TEX29: variants seen among roughly 807,000 people sequenced by gnomAD.
TEX29 encodes testis expressed 29, also known as testis-expressed protein 29.
TEX29 carries 26 observed loss-of-function variants against 18.2 expected under a neutral mutation model. The ratio of observed to expected loss-of-function variants is 1.43; its 90% CI spans 1.04 to 1.98. The LOEUF (loss-of-function observed/expected upper bound fraction) is 1.98, where lower values mean the gene tolerates loss of function less well. Among genes scored for constraint, TEX29 ranks in the 30% most tolerant of loss-of-function variants. The pLI is 0.00. For missense variants in TEX29, 177 were observed against 194.2 expected, an observed-to-expected ratio of 0.91 and a Z score of 0.53; for synonymous variants, 83 against 78.5, an observed-to-expected ratio of 1.06 and a Z score of -0.31.
intron 4 of TEX29, among the ~76,000 whole-genome samples, chr13:111,341,812 G>T (rs1485228954): frequency 6.6e-6 from 1 of 152,192 alleles, no homozygotes; most frequent in Non-Finnish European, 1.5e-5. Flanking sequence ...TAAGAGCTCT[G>T]CTCAGCCTTT....
intron 5 of TEX29, among the ~76,000 whole-genome samples, chr13:111,343,549 G>A (rs1033046452): frequency 6.6e-6 from 1 of 152,202 alleles, no homozygotes; most frequent in Non-Finnish European, 1.5e-5. Context: ...CTCATATGTT[G>A]GTTTACCTGC....
At chr13:111,328,131 A>G (rs2479955) in intron 2 of TEX29, 52 bp from the exon 3 acceptor site, 949,928 of 1,184,242 alleles carry the variant, frequency 0.8, 382,640 homozygotes, top group Admixed American at 0.91. Flanking sequence ...AGCGGAGAGC[A>G]GAGTGGCTTT....
intron 3 of TEX29, among the ~76,000 whole-genome samples, chr13:111,338,936 C>T (rs1040592703): frequency 2.6e-5 from 4 of 152,230 alleles, no homozygotes; most frequent in Non-Finnish European, 5.9e-5. Context: ...ACCAATGAGC[C>T]GACGGAGATC....
chr13:111,325,564 A>G (rs985443589), intron 2 of TEX29, among the ~76,000 whole-genome samples: 3 of 152,102 alleles, frequency 2.0e-5, no homozygotes, highest in African/African-American at 7.2e-5. Flanking sequence ...CCAACCTCAA[A>G]GCCTGTTAGG....
At chr13:111,331,436 C>G (rs2093682662) in intron 3 of TEX29, among the ~76,000 whole-genome samples, 1 of 148,874 alleles carries the variant, frequency 6.7e-6, no homozygotes, top group Middle Eastern at 3.2e-3. Context: ...TGTATGGGTT[C>G]TTTATATATT....
At chr13:111,322,682 C>T (rs1415218283) in intron 2 of TEX29, among the ~76,000 whole-genome samples, 1 of 152,252 alleles carries the variant, frequency 6.6e-6, no homozygotes, top group East Asian at 1.9e-4. Context: ...GCAGGCGACA[C>T]TCCTGTGTGC....
At chr13:111,328,415 T>A in intron 3 of TEX29, 122 bp downstream of exon 3, 1 of 687,952 alleles carries the variant, frequency 1.5e-6, no homozygotes, top group South Asian at 1.7e-5. Context: ...TTTGTATTGT[T>A]CTCTGGCCAA....
intron 5 of TEX29, 55 bp from the exon 6 acceptor site, chr13:111,344,028 C>T (rs201524207): frequency 2.7e-5 from 39 of 1,428,908 alleles, no homozygotes; most frequent in African/African-American, 2.0e-4. Flanking sequence ...GAAATCTTTT[C>T]GGGACTGCTG....
Position 111,323,244 on chromosome 13 carries a change from G to A in TEX29, c.58+2296G>A, listed in dbSNP as rs1159558526. ...AGCCCCCTAGCAGGTGATGGCCTGAGGCTGGCTCCCAGGGCACCATGTTCA... is the reference window on the plus strand; with the variant it reads ...AGCCCCCTAGCAGGTGATGGCCTGAAGCTGGCTCCCAGGGCACCATGTTCA... On this transcript the variant is annotated intron_variant, in intron 2 of 5. Coordinates refer to ENST00000283547, the MANE Select transcript of TEX29 (RefSeq NM_152324.3). Among the ~76,000 whole-genome samples, 4 of 152,244 alleles carry A rather than the reference G, an allele frequency of 2.6e-5. No homozygotes were observed. In the East Asian group the frequency reaches 7.7e-4, roughly 29 times the overall value.
intron 2 of TEX29, among the ~76,000 whole-genome samples, chr13:111,322,896 G>A (rs2093667064): frequency 1.3e-5 from 2 of 152,132 alleles, no homozygotes; most frequent in South Asian, 4.1e-4. Flanking sequence ...GGCCTCAGCG[G>A]GCAGGTGGGG....
chr13:111,339,515 G>T (rs565885683), intron 3 of TEX29: 5 of 424,378 alleles, frequency 1.2e-5, no homozygotes, highest in South Asian at 8.1e-5. Flanking sequence ...ACCCCCGGGG[G>T]TCATGAGCCA....
intron 3 of TEX29, among the ~76,000 whole-genome samples, chr13:111,335,346 G>A (rs1353842911): frequency 6.6e-6 from 1 of 152,226 alleles, no homozygotes; most frequent in Non-Finnish European, 1.5e-5. Context: ...TTACTTGAGA[G>A]ATCTTTTTGG....
chr13:111,330,099 A>G (rs1033874978), intron 3 of TEX29, among the ~76,000 whole-genome samples: 14 of 152,150 alleles, frequency 9.2e-5, no homozygotes, highest in African/African-American at 3.4e-4. Flanking sequence ...AGCTTTCTGC[A>G]TCGTGAGACT....
intron 3 of TEX29, among the ~76,000 whole-genome samples, chr13:111,334,473 T>C (rs1383891390): frequency 6.6e-6 from 1 of 152,272 alleles, no homozygotes; most frequent in Non-Finnish European, 1.5e-5. Flanking sequence ...TAGCTTTCAC[T>C]TCCTGCTTAT....
chr13:111,330,641 T>TA (rs1282856482), intron 3 of TEX29, among the ~76,000 whole-genome samples: 1 of 152,258 alleles, frequency 6.6e-6, no homozygotes, highest in Non-Finnish European at 1.5e-5. Flanking sequence ...GCTTTTAGTA[T>TA]ATTCACAGTT....
At chr13:111,316,403 T>C, upstream of TEX29, 1 of 410,464 alleles carries the variant, frequency 2.4e-6, no homozygotes, top group Non-Finnish European at 5.0e-6. Context: ...GGCTGTCCCA[T>C]GCGCAGCTCC....
At chr13:111,339,472 C>T (rs1349363930) in intron 3 of TEX29, 6 of 412,534 alleles carry the variant, frequency 1.5e-5, no homozygotes, top group Middle Eastern at 8.1e-4. Context: ...AGCACAACCC[C>T]GTGGGTCAGG....
chr13:111,325,692 C>T (rs1595685746), intron 2 of TEX29, among the ~76,000 whole-genome samples: 1 of 151,472 alleles, frequency 6.6e-6, no homozygotes, highest in Non-Finnish European at 1.5e-5. Flanking sequence ...AGGAAAATAA[C>T]GGTGGGTGTG....
intron 4 of TEX29, 141 bp from the exon 5 acceptor site, chr13:111,342,615 C>T: frequency 2.1e-6 from 1 of 475,652 alleles, no homozygotes; most frequent in Non-Finnish European, 3.5e-6. Flanking sequence ...ACTATTACAT[C>T]AAAGCATTTA....
Sources: allele counts gnomAD v4.1 joint callset (sites outside exome capture counted in the v4.1 genomes callset), GRCh38; gene constraint gnomAD v4.1.1; transcripts MANE v1.5; gene names NCBI Gene and HGNC (gene_info 2026-07-23, HGNC 2026-07-21).